Variants in APTX observed in about 807,000 individuals in gnomAD.
APTX encodes the protein forkhead-associated domain histidine triad-like protein.
Under a neutral mutation model 42.3 loss-of-function variants are expected in APTX, and 33 were observed. The observed-to-expected ratio is 0.78, with a 90% confidence interval of 0.59 to 1.04. APTX has a LOEUF of 1.04. Among genes scored for constraint, APTX ranks in the 50% least tolerant of loss-of-function variants. The pLI is 0.00. For missense variants in APTX, 421 were observed against 415.1 expected (o/e 1.01, Z -0.12); for synonymous variants, 130 against 146.7 (o/e 0.89, Z 0.82).
intron 4 of APTX, among the ~76,000 whole-genome samples, chr9:32,986,799 C>T (rs562161794): frequency 6.6e-6 from 1 of 151,804 alleles, no homozygotes; most frequent in South Asian, 2.1e-4. Flanking sequence ...GCACACCCAG[C>T]TGTTTTTTAT....
intron 6 of APTX, among the ~76,000 whole-genome samples, chr9:32,976,072 A>G (rs1399865158): frequency 1.3e-5 from 2 of 152,220 alleles, no homozygotes; most frequent in Non-Finnish European, 2.9e-5. Context: ...TTTAAACAAT[A>G]AAATGTAATG....
intron 1 of APTX, among the ~76,000 whole-genome samples, chr9:32,996,525 G>C (rs1834982183): frequency 6.6e-6 from 1 of 152,004 alleles, no homozygotes. Context: ...CTCCTGTCTT[G>C]ACCTCCCAAA....
chr9:33,019,075 GT>G, intron 1 of APTX, among the ~76,000 whole-genome samples: 1 of 152,268 alleles, frequency 6.6e-6, no homozygotes, highest in Non-Finnish European at 1.5e-5. Flanking sequence ...TAATAATAAT[GT>G]ATCAACGTTG....
chr9:33,023,313 T>TC (rs1167275550), intron 1 of APTX, among the ~76,000 whole-genome samples: 1 of 151,850 alleles, frequency 6.6e-6, no homozygotes, highest in Non-Finnish European at 1.5e-5. Flanking sequence ...AACCTCCGCC[T>TC]CCCAGGTTCA....
chr9:32,976,750 A>T (rs1464318343), intron 6 of APTX, among the ~76,000 whole-genome samples: 3 of 152,268 alleles, frequency 2.0e-5, no homozygotes, highest in African/African-American at 4.8e-5. Context: ...CAAACAGTAA[A>T]TAAAAGCTAA....
intron 7 of APTX, 86 bp from the exon 8 acceptor site, chr9:32,973,738 G>T: frequency 3.9e-6 from 6 of 1,531,328 alleles, no homozygotes; most frequent in Non-Finnish European, 5.4e-6. Flanking sequence ...AATCAAAAAC[G>T]TGACTCCAAT....
rs1225402209 is a variant in APTX at position 32,987,555 on chromosome 9, G to A, written c.472C>T (p.Pro158Ser). The change falls in exon 4 of 8, where the codon CCT becomes TCT. Residue 158 changes from proline (P) to serine (S), a missense_variant. Physicochemically the swap from Pro to Ser is moderately conservative, Grantham distance 74 (BLOSUM62 -1). Transcript: ENST00000379817. The stretch of plus-strand genomic sequence containing the variant: ...CACACTACCCTCACCTTTTTGATAG[G>A]TGCATCTTTTCCCTTCTTTAGGGGC... ...SVPLKKGKDA[P>S]IKKESLGHWS... 1.2e-6 allele frequency: 2 copies of A among 1,613,624 alleles called. No individual in the cohort carries two copies. The highest frequency in any genetic ancestry group is 2.2e-5 in the East Asian group (1 of 44,894).
At position 32,973,711 on chromosome 9, in the gene APTX, C is replaced by CAAAAAAAAAA; in HGVS notation, c.875-69_875-60dup. The CAAAAAAAAAA allele has an allele frequency of 3.0e-6, 4 of 1,331,630 alleles. No homozygotes were observed. The African/African-American group carries it at 4.9e-5, about 16-fold the overall frequency. 82.5% of individuals were successfully genotyped at this position (1,331,630 alleles called of 1,614,324 possible). On this transcript the variant is annotated intron_variant, in intron 7 of 7. Transcript: ENST00000379817. Reference sequence around the variant, plus strand: ...ACTCTGGAAAACCAATATGAGATACCAAAAAAAAAAAAAAAAAATCAAAAA... The same window carrying CAAAAAAAAAA: ...ACTCTGGAAAACCAATATGAGATACCAAAAAAAAAAAAAAAAAAAAAAAAAAAATCAAAAA...
At chr9:32,974,700 G>A in intron 6 of APTX, 139 bp from the exon 7 acceptor site, 11 of 651,216 alleles carry the variant, frequency 1.7e-5, no homozygotes, top group South Asian at 1.7e-4. Flanking sequence ...GTGATAGTGT[G>A]TCCATTTAAT....
At position 32,984,647 on chromosome 9, in the gene APTX, C is replaced by T. The variant is rs755550034; in HGVS notation, c.754G>A (p.Ala252Thr). Reference protein sequence around the residue: ...SKLRFRLGYHAIPSMSHVHLH... With the variant: ...SKLRFRLGYHTIPSMSHVHLH... ...CTGGCTTACCTCATACTCGGAATGGCGTGGTAGCCCAATCGGAAGCGGAGT... is the reference window on the plus strand; with the variant it reads ...CTGGCTTACCTCATACTCGGAATGGTGTGGTAGCCCAATCGGAAGCGGAGT... Residue 252 changes from alanine to threonine, a missense_variant, in exon 6 of 8, where the codon GCC becomes ACC. Physicochemically the swap from Ala to Thr is moderately conservative, Grantham distance 58 (BLOSUM62 0). Coordinates refer to ENST00000379817, the MANE Select transcript of APTX (RefSeq NM_001195248.2). 6.8e-6 allele frequency: 11 copies of T among 1,614,146 alleles called. No individual in the cohort carries two copies. Among genetic ancestry groups the T allele is most frequent in the Middle Eastern group, 3.3e-4 (2 of 6,062 alleles).
intron 1 of APTX, 101 bp downstream of exon 1, chr9:33,001,466 A>G (rs1413606519): frequency 6.3e-7 from 1 of 1,592,574 alleles, no homozygotes; most frequent in African/African-American, 1.3e-5. Context: ...AAGCAGCGTC[A>G]TTCAAGGCAC....
chr9:33,003,532 T>G (rs1230592032), upstream of APTX, among the ~76,000 whole-genome samples: 3 of 152,018 alleles, frequency 2.0e-5, no homozygotes, highest in Non-Finnish European at 4.4e-5. Flanking sequence ...CTTGGGAGGC[T>G]GAAGCAGAAG....
chr9:32,973,254 G>A lies in APTX; in HGVS notation c.*244C>T. On this transcript the variant is annotated 3_prime_UTR_variant, in exon 8 of 8. Transcript: ENST00000379817. The stretch of plus-strand genomic sequence containing the variant: ...CAGACCTGACATGGGTCCTTCTGAA[G>A]ATGGTGGGTCAGGTATATCCCAGCC... 1.7e-6 allele frequency: 1 copy of A among 605,824 alleles called. No individual in the cohort carries two copies. The highest frequency in any genetic ancestry group is 1.5e-5 in the South Asian group (1 of 65,842). The allele number at this position is 605,824 out of a possible 1,614,324, so 37.5% of individuals were successfully genotyped here.
At chr9:32,996,602 C>G (rs1194930496) in intron 1 of APTX, among the ~76,000 whole-genome samples, 1 of 152,246 alleles carries the variant, frequency 6.6e-6, no homozygotes, top group East Asian at 1.9e-4. Context: ...CCTGGTATTC[C>G]TTTCTCCTAA....
chr9:33,020,055 G>A (rs917772391), intron 1 of APTX: 13 of 394,378 alleles, frequency 3.3e-5, no homozygotes, highest in Middle Eastern at 6.4e-4. Flanking sequence ...GGGTGTCCGC[G>A]CCCCCGGGGC....
chr9:33,010,596 G>C (rs894111617), intron 1 of APTX, among the ~76,000 whole-genome samples: 2 of 151,944 alleles, frequency 1.3e-5, no homozygotes, highest in Non-Finnish European at 2.9e-5. Flanking sequence ...GCAGGCGCCT[G>C]TAACCCCAGC....
upstream of APTX, among the ~76,000 whole-genome samples, chr9:33,006,168 T>A (rs1300531662): frequency 6.6e-6 from 1 of 152,080 alleles, no homozygotes; most frequent in Non-Finnish European, 1.5e-5. Flanking sequence ...ATGTGTGTAA[T>A]CCCAGCATTT....
intron 1 of APTX, among the ~76,000 whole-genome samples, chr9:33,020,540 C>T (rs1406553304): frequency 6.6e-6 from 1 of 152,218 alleles, no homozygotes; most frequent in Non-Finnish European, 1.5e-5. Context: ...GTAATCAAAT[C>T]AGCTCTAAAA....
intron 5 of APTX, among the ~76,000 whole-genome samples, chr9:32,985,326 G>GTTTTTTTTT (rs5897530): frequency 1.9e-5 from 2 of 103,078 alleles, no homozygotes; most frequent in African/African-American, 4.4e-5. Flanking sequence ...GATGATGCCT[G>GTTTTTTTTT]TTTTTTTTTT....
Sources: allele counts gnomAD v4.1 joint callset (sites outside exome capture counted in the v4.1 genomes callset), GRCh38; gene constraint gnomAD v4.1.1; transcripts MANE v1.5; gene names NCBI Gene and HGNC (gene_info 2026-07-23, HGNC 2026-07-21).